The following AGTPBP1 variants were observed in gnomAD, a reference collection of about 807,000 sequenced individuals.
The protein encoded by AGTPBP1 is ATP/GTP binding carboxypeptidase 1, also known as cytosolic carboxypeptidase 1.
Under a neutral mutation model 143.9 loss-of-function variants are expected in AGTPBP1, and 70 were observed. The observed-to-expected ratio is 0.49, with a 90% CI of 0.40 to 0.59. The LOEUF (loss-of-function observed/expected upper bound fraction) is 0.59. Among genes scored for constraint, AGTPBP1 ranks in the 20% least tolerant of loss-of-function variants. The probability of loss-of-function intolerance (pLI) is 0.00; values close to 1 mark genes in which losing one functional copy is unlikely to be tolerated. For missense variants in AGTPBP1, 1,229 were observed against 1,464.5 expected, an observed-to-expected ratio of 0.84 and a Z score of 2.62; for synonymous variants, 463 against 500.2, an observed-to-expected ratio of 0.93 and a Z score of 0.99.
chr9:85,739,137 C>T (rs979214453), intron 1 of AGTPBP1, among the ~76,000 whole-genome samples: 10 of 152,278 alleles, frequency 6.6e-5, no homozygotes, highest in Non-Finnish European at 1.5e-4. Context: ...CCAAACCGAG[C>T]CATCTGGCTC....
chr9:85,802,773 C>T, the AGTPBP1 span, among the ~76,000 whole-genome samples: 1 of 152,164 alleles, frequency 6.6e-6, no homozygotes. Context: ...TCTGCCAACC[C>T]CAGAGGCTTG....
At chr9:85,655,023 T>C in intron 11 of AGTPBP1, 120 bp downstream of exon 11, 2 of 860,910 alleles carry the variant, frequency 2.3e-6, no homozygotes, top group East Asian at 2.9e-5. Context: ...AAAATGTGAA[T>C]GTTTATCACG....
In AGTPBP1 at chr9:85,678,417, T is replaced by C; in HGVS notation, c.226-19A>G. ...TTGTGTTCTGAAATAAATAGTTTGTTTTATTAAAACATTGTAAACTTTTGA... is the reference window on the plus strand; with the variant it reads ...TTGTGTTCTGAAATAAATAGTTTGTCTTATTAAAACATTGTAAACTTTTGA... On this transcript the variant is annotated intron_variant, in intron 4 of 25. Transcript: ENST00000357081. 1 of 1,510,894 alleles carries C rather than the reference T, an allele frequency of 6.6e-7. No homozygotes were observed. Among genetic ancestry groups the C allele is most frequent in the Middle Eastern group, 1.9e-4 (1 of 5,368 alleles). The allele number at this position is 1,510,894 out of a possible 1,614,324, so 93.6% of individuals were successfully genotyped here.
At chr9:85,549,552 T>A (rs1439793523) in intron 25 of AGTPBP1, among the ~76,000 whole-genome samples, 1 of 152,098 alleles carries the variant, frequency 6.6e-6, no homozygotes, top group Non-Finnish European at 1.5e-5. Context: ...GTTAATCAAT[T>A]TGAACAAAAG....
At chr9:85,744,837 A>T (rs1824563392), upstream of AGTPBP1, among the ~76,000 whole-genome samples, 1 of 152,246 alleles carries the variant, frequency 6.6e-6, no homozygotes, top group African/African-American at 2.4e-5. Flanking sequence ...TGCCTAAAGC[A>T]AGCTGGCTGA....
At chr9:85,715,553 C>A (rs1837651428) in intron 1 of AGTPBP1, among the ~76,000 whole-genome samples, 1 of 152,142 alleles carries the variant, frequency 6.6e-6, no homozygotes, top group Non-Finnish European at 1.5e-5. Context: ...AGCATCTAAC[C>A]CCTGGCAAAT....
the AGTPBP1 span, chr9:85,781,378 A>C: frequency 6.5e-7 from 1 of 1,531,176 alleles, no homozygotes; most frequent in Non-Finnish European, 8.7e-7. Context: ...TAAGACTTTT[A>C]GTGTTGTCAC....
intron 6 of AGTPBP1, among the ~76,000 whole-genome samples, chr9:85,674,218 T>C (rs1386366907): frequency 6.6e-6 from 1 of 151,392 alleles, no homozygotes; most frequent in Admixed American, 6.6e-5. Context: ...GGAAAAATTA[T>C]TTTACCTCAC....
chr9:85,639,374 C>CAT (rs1477463610), intron 13 of AGTPBP1, among the ~76,000 whole-genome samples: 1 of 149,814 alleles, frequency 6.7e-6, no homozygotes, highest in African/African-American at 2.5e-5. Context: ...CGCGCACACA[C>CAT]ACACACACAC....
chr9:85,700,489 C>A (rs1297011423), intron 2 of AGTPBP1, among the ~76,000 whole-genome samples: 2 of 152,186 alleles, frequency 1.3e-5, no homozygotes, highest in Non-Finnish European at 2.9e-5. Flanking sequence ...CACACAGCCA[C>A]AGATTAACCT....
In AGTPBP1 at chr9:85,711,106, T is replaced by G. The variant is rs148847165; in HGVS notation, c.32+1396A>C. Among the ~76,000 whole-genome samples the G allele has an allele frequency of 6.6e-5, 10 of 152,332 alleles. No individual in the cohort carries two copies. The East Asian group carries it at 1.9e-3, about 29-fold the overall frequency. Reference sequence around the variant, plus strand: ...CAATGAATGTAAAGTTATATACACGTAAACATAAGAACATTGCTACAAAGC... The same window carrying G: ...CAATGAATGTAAAGTTATATACACGGAAACATAAGAACATTGCTACAAAGC... On this transcript the variant is annotated intron_variant, in intron 2 of 25. Transcript: ENST00000357081.
the AGTPBP1 span, among the ~76,000 whole-genome samples, chr9:85,749,618 T>TA: frequency 2.6e-5 from 4 of 152,018 alleles, no homozygotes; most frequent in Non-Finnish European, 1.5e-5. Context: ...GAAGAAAAGA[T>TA]ATGAGAACTC....
chr9:85,654,008 T>C (rs1364431343), intron 11 of AGTPBP1, among the ~76,000 whole-genome samples: 3 of 152,196 alleles, frequency 2.0e-5, no homozygotes, highest in Non-Finnish European at 2.9e-5. Context: ...TCAACTTGTT[T>C]TAATAACTAC....
chr9:85,606,212 A>C (rs1035028190), intron 17 of AGTPBP1, among the ~76,000 whole-genome samples: 1 of 152,032 alleles, frequency 6.6e-6, no homozygotes, highest in Admixed American at 6.6e-5. Flanking sequence ...AGTAAAAAAT[A>C]ATCATAATAA....
chr9:85,780,099 T>C, the AGTPBP1 span, among the ~76,000 whole-genome samples: 1 of 152,232 alleles, frequency 6.6e-6, no homozygotes. Flanking sequence ...AAACAGCCAA[T>C]TGTAGCCAAA....
At chr9:85,591,243 G>A (rs1246053620) in intron 19 of AGTPBP1, among the ~76,000 whole-genome samples, 1 of 151,432 alleles carries the variant, frequency 6.6e-6, no homozygotes, top group African/African-American at 2.4e-5. Context: ...AAGAATTTTA[G>A]ACTTCACACA....
At chr9:85,800,219 T>C in the AGTPBP1 span, among the ~76,000 whole-genome samples, 9 of 152,178 alleles carry the variant, frequency 5.9e-5, no homozygotes, top group African/African-American at 2.2e-4. Context: ...TTCCGGTGAA[T>C]TTGGGCAGCA....
chr9:85,721,997 C>T lies in AGTPBP1; in HGVS notation c.-33-9431G>A, dbSNP rs190491064. Reference sequence around the variant, plus strand: ...TTCTTTAAGAATGTTGAATATTAGCCCCCACTCTCTTCTGGCTTGTAGGGT... The same window carrying T: ...TTCTTTAAGAATGTTGAATATTAGCTCCCACTCTCTTCTGGCTTGTAGGGT... On this transcript the variant is annotated intron_variant, in intron 1 of 25. Transcript: ENST00000357081. Among the ~76,000 whole-genome samples, 28 of 152,220 alleles carry T rather than the reference C, an allele frequency of 1.8e-4. No homozygotes were observed. In the East Asian group the frequency reaches 5.2e-3, roughly 28 times the overall value.
chr9:85,621,176 A>G (rs561680262), intron 15 of AGTPBP1, 26 bp downstream of exon 15: 1 of 1,313,732 alleles, frequency 7.6e-7, no homozygotes, highest in East Asian at 2.8e-5. Context: ...TAAAACTAAT[A>G]AAAGTTCATT....
Sources: gnomAD v4.1 joint callset for allele counts (sites outside exome capture counted in the v4.1 genomes callset) on GRCh38, gnomAD v4.1.1 for gene constraint, MANE v1.5 for transcripts, NCBI Gene and HGNC (gene_info 2026-07-23, HGNC 2026-07-21) for gene names.